The following GDAP1L1 variants were observed in gnomAD, a reference collection of about 807,000 sequenced individuals.
The protein encoded by GDAP1L1 is ganglioside-induced differentiation-associated protein 1-like 1.
Under a neutral mutation model 37.1 loss-of-function variants are expected in GDAP1L1, and 21 were observed. The ratio of observed to expected loss-of-function variants is 0.57; its 90% confidence interval spans 0.40 to 0.81. GDAP1L1 has a LOEUF of 0.81. Among genes scored for constraint, GDAP1L1 ranks in the 40% least tolerant of loss-of-function variants. The pLI, the probability that GDAP1L1 is intolerant of heterozygous loss-of-function variation, is 0.00. For synonymous variants in GDAP1L1, 193 were observed against 209.1 expected, an observed-to-expected ratio of 0.92 and a Z score of 0.67; for missense variants, 362 against 491.6, an observed-to-expected ratio of 0.74 and a Z score of 2.49.
At chr20:44,265,031 CAG>C (rs887645506) in intron 5 of GDAP1L1, 75 of 985,270 alleles carry the variant, frequency 7.6e-5, no homozygotes, top group Non-Finnish European at 8.9e-5. Context: ...ATGTCCCGAA[CAG>C]AGACATCATC....
At chr20:44,253,866 T>C (rs1265551200) in intron 1 of GDAP1L1, among the ~76,000 whole-genome samples, 1 of 152,184 alleles carries the variant, frequency 6.6e-6, no homozygotes. Context: ...TCTAAAGATA[T>C]AGTCCCCTCC....
Position 44,247,339 on chromosome 20 carries a change from C to T in GDAP1L1, c.5C>T (p.Ala2Val). The change falls in exon 1 of 6, where the codon GCG becomes GTG. Residue 2 changes from alanine (A) to valine (V), a missense_variant. By Grantham distance (64) the Ala-to-Val change is moderately conservative. Around this residue, in one of 2 missense-constraint regions of GDAP1L1, gnomAD observed 277 missense variants for 337.1 expected, o/e 0.82. Coordinates refer to ENST00000342560, the MANE Select transcript of GDAP1L1 (RefSeq NM_024034.6). M[A>V]TPNNLTPTNC... ...TGCCTCTGATTCCGGGCTGTCATGGCGACCCCCAACAATCTGACCCCCACC... is the reference window on the plus strand; with the variant it reads ...TGCCTCTGATTCCGGGCTGTCATGGTGACCCCCAACAATCTGACCCCCACC... 6.2e-7 allele frequency: 1 copy of T among 1,613,418 alleles called. No homozygotes were observed. The highest frequency in any genetic ancestry group is 8.5e-7 in the Non-Finnish European group (1 of 1,179,822).
intron 5 of GDAP1L1, among the ~76,000 whole-genome samples, chr20:44,268,140 G>A (rs2062475252): frequency 1.3e-5 from 2 of 152,268 alleles, no homozygotes; most frequent in Non-Finnish European, 2.9e-5. Flanking sequence ...CCCAGTGTTG[G>A]AAGGGATTTT....
intron 5 of GDAP1L1, among the ~76,000 whole-genome samples, chr20:44,272,217 A>G (rs1007070414): frequency 3.9e-5 from 6 of 152,328 alleles, no homozygotes; most frequent in Non-Finnish European, 7.3e-5. Context: ...GAGACGTGGC[A>G]TGGAGCAGGT....
intron 3 of GDAP1L1, among the ~76,000 whole-genome samples, chr20:44,258,866 G>A (rs1233599983): frequency 3.3e-5 from 5 of 151,218 alleles, no homozygotes; most frequent in African/African-American, 4.9e-5. Flanking sequence ...CCGACTTCCC[G>A]GCCTTCCATC....
chr20:44,247,301 C>G (rs747445473), upstream of GDAP1L1: 2 of 1,608,882 alleles, frequency 1.2e-6, no homozygotes, highest in Non-Finnish European at 1.7e-6. Context: ...CGCGCCGGAG[C>G]CTCCTTCTTT....
At chr20:44,276,535 T>C (rs1226657188) in intron 5 of GDAP1L1, among the ~76,000 whole-genome samples, 5 of 152,170 alleles carry the variant, frequency 3.3e-5, no homozygotes, top group East Asian at 3.8e-4. Flanking sequence ...TGGGAGCAGA[T>C]ACTTTGACGG....
intron 3 of GDAP1L1, among the ~76,000 whole-genome samples, chr20:44,259,194 T>C (rs2073626764): frequency 6.6e-6 from 1 of 152,196 alleles, no homozygotes; most frequent in African/African-American, 2.4e-5. Context: ...AGCCTGGACA[T>C]GCTCACAGCC....
intron 3 of GDAP1L1, among the ~76,000 whole-genome samples, chr20:44,260,842 GT>G (rs1031259394): frequency 1.3e-5 from 2 of 152,196 alleles, no homozygotes. Flanking sequence ...TTTGGATTTT[GT>G]CCAAAGAGCA....
At chr20:44,254,201 G>A (rs534613762) in intron 1 of GDAP1L1, among the ~76,000 whole-genome samples, 1 of 152,220 alleles carries the variant, frequency 6.6e-6, no homozygotes, top group East Asian at 1.9e-4. Flanking sequence ...CACACTGACC[G>A]GGAACACACA....
chr20:44,258,143 G>A, intron 2 of GDAP1L1: 1 of 717,392 alleles, frequency 1.4e-6, no homozygotes, highest in African/African-American at 1.7e-5. Context: ...CAAGCATTGA[G>A]CACCCAGGTT....
At chr20:44,271,702 G>T (rs2062517511) in intron 5 of GDAP1L1, among the ~76,000 whole-genome samples, 1 of 152,178 alleles carries the variant, frequency 6.6e-6, no homozygotes, top group South Asian at 2.1e-4. Flanking sequence ...GTACAAATGT[G>T]TTCTCATGCT....
In GDAP1L1 at chr20:44,276,412, A is replaced by AAGAAAGAAAG. The variant is rs1555801147; in HGVS notation, c.761-2544_761-2543insGAAAGAAAGA. ...AGAAAAGAAAGGGAAAGAAAAAAGA[A>AAGAAAGAAAG]AAAGAAAGAAAGAAAGAAAGAAAGA... On this transcript the variant is annotated intron_variant, in intron 5 of 5. Transcript: ENST00000342560. Among the ~76,000 whole-genome samples the AAGAAAGAAAG allele has an allele frequency of 1.3e-3, 149 of 113,390 alleles. 3 individuals carry two copies. The highest frequency in any genetic ancestry group is 0.013 in the Middle Eastern group (3 of 238). The allele number at this position is 113,390 out of a possible 152,430, so 74.4% of individuals were successfully genotyped here.
chr20:44,266,041 G>A (rs758474910), intron 5 of GDAP1L1, among the ~76,000 whole-genome samples: 3 of 152,200 alleles, frequency 2.0e-5, no homozygotes, highest in Admixed American at 6.5e-5. Context: ...GGGCACAATG[G>A]CTCACGCCTG....
chr20:44,271,159 G>A (rs1240666643), intron 5 of GDAP1L1, among the ~76,000 whole-genome samples: 1 of 152,206 alleles, frequency 6.6e-6, no homozygotes, highest in Non-Finnish European at 1.5e-5. Flanking sequence ...AGCTACTCAG[G>A]AGGCTGAGGC....
intron 1 of GDAP1L1, 24 bp downstream of exon 1, chr20:44,247,538 T>A (rs749607423): frequency 1.1e-5 from 16 of 1,464,602 alleles, no homozygotes; most frequent in Non-Finnish European, 1.4e-5. Context: ...GGGAGCCGCC[T>A]GCGCCGGTGG....
chr20:44,247,318 T>A lies in GDAP1L1; in HGVS notation c.-17T>A. The stretch of plus-strand genomic sequence containing the variant: ...CGCCGGAGCCTCCTTCTTTCCTGCC[T>A]CTGATTCCGGGCTGTCATGGCGACC... On this transcript the variant is annotated 5_prime_UTR_variant, in exon 1 of 6. Transcript: ENST00000342560. The A allele has an allele frequency of 6.2e-6, 10 of 1,613,076 alleles. No homozygotes were observed. The highest frequency in any genetic ancestry group is 8.5e-6 in the Non-Finnish European group (10 of 1,179,656).
At position 44,279,810 on chromosome 20, in the gene GDAP1L1, G is replaced by A. The variant is rs559262156; in HGVS notation, c.*510G>A. ...GGCTGGATAACCGGAGACCCCATGG[G>A]AGGTCCCTGAAGATCAGAAGGGGCT... On this transcript the variant is annotated 3_prime_UTR_variant, in exon 6 of 6. Transcript: ENST00000342560. 2 of 471,280 alleles carry A rather than the reference G, an allele frequency of 4.2e-6. No homozygotes were observed. Among genetic ancestry groups the A allele is most frequent in the South Asian group, 3.1e-5 (2 of 64,534 alleles). 29.2% of individuals were successfully genotyped at this position (471,280 alleles called of 1,614,324 possible).
At chr20:44,268,766 T>C (rs932738982) in intron 5 of GDAP1L1, among the ~76,000 whole-genome samples, 7 of 152,092 alleles carry the variant, frequency 4.6e-5, no homozygotes, top group African/African-American at 1.4e-4. Context: ...TGGTCTGCTG[T>C]GTGGGGAGTC....
Sources: allele counts gnomAD v4.1 joint callset (sites outside exome capture counted in the v4.1 genomes callset), GRCh38; gene constraint gnomAD v4.1.1; regional missense constraint gnomAD v4.1.1; transcripts MANE v1.5; gene names NCBI Gene and HGNC (gene_info 2026-07-23, HGNC 2026-07-21).